Variants in SLC2A8 observed in about 807,000 individuals in gnomAD.
SLC2A8 encodes solute carrier family 2 member 8.
A neutral mutation model predicts 49.2 loss-of-function variants in SLC2A8; 53 were observed. The ratio of observed to expected loss-of-function variants is 1.08; its 90% CI spans 0.86 to 1.35. The LOEUF is 1.35. Ranked by LOEUF, SLC2A8 falls within the 40% of genes most tolerant of loss-of-function variation. The pLI is 0.00. For missense variants in SLC2A8, 688 were observed against 671.7 expected (o/e 1.02, Z -0.27); for synonymous variants, 299 against 297.0 (o/e 1.01, Z -0.07).
intron 5 of SLC2A8, among the ~76,000 whole-genome samples, 197 bp downstream of exon 5, chr9:127,402,950 C>A (rs1429698441): frequency 6.6e-6 from 1 of 152,202 alleles, no homozygotes; most frequent in Non-Finnish European, 1.5e-5. Flanking sequence ...GGAGCTGGGC[C>A]CTGGCCTCCA....
chr9:127,404,799 GC>G lies in SLC2A8; in HGVS notation c.977-17del. On this transcript the variant is annotated intron_variant, in intron 7 of 9. Coordinates refer to ENST00000373371, the MANE Select transcript of SLC2A8 (RefSeq NM_014580.5). ...CCGTTCCCCGGGTGCCCCGCCCACT[GC>G]CGCCCTCCCGCCTGCAGGTGTGGTC... The G allele has an allele frequency of 6.2e-7, 1 of 1,601,876 alleles. No individual in the cohort carries two copies. Among genetic ancestry groups the G allele is most frequent in the Non-Finnish European group, 8.5e-7 (1 of 1,172,076 alleles).
chr9:127,398,343 C>T (rs761431042), intron 3 of SLC2A8: 11 of 776,292 alleles, frequency 1.4e-5, no homozygotes, highest in Non-Finnish European at 2.6e-5. Context: ...AGGTGAAGTC[C>T]TTTGCCCAGG....
At position 127,402,709 on chromosome 9, in the gene SLC2A8, G is replaced by A; in HGVS notation, c.679G>A (p.Gly227Ser). The A allele has an allele frequency of 6.4e-7, 1 of 1,561,270 alleles. No individual in the cohort carries two copies. The highest frequency in any genetic ancestry group is 1.4e-5 in the African/African-American group (1 of 74,000). The change falls in exon 5 of 10, where the codon GGC (glycine) becomes AGC (serine). Residue 227 changes from glycine (G) to serine (S), a missense_variant. By Grantham distance (56) the Gly-to-Ser change is moderately conservative. Coordinates refer to ENST00000373371, the MANE Select transcript of SLC2A8 (RefSeq NM_014580.5). ...CATGGCCGCCCTGCGGTTCCTGTGG[G>A]GCTCCGAGCAGGGCTGGGAAGACCC... is the stretch of plus-strand genomic sequence containing the variant. ...EAMAALRFLW[G>S]SEQGWEDPPI... is the part of the protein sequence containing the mutation.
chr9:127,404,877 G>A lies in SLC2A8; in HGVS notation c.1036G>A (p.Gly346Ser). The A allele has an allele frequency of 6.2e-7, 1 of 1,612,724 alleles. No individual in the cohort carries two copies. ...CGCCTACTTCAAGCTGACCCAGGGT[G>A]GCCCTGGCAACTCCTCGCACGTGGC... ...FGAYFKLTQGGPGNSSHVAIS... is the reference protein window; with the variant it reads ...FGAYFKLTQGSPGNSSHVAIS... The change falls in exon 8 of 10, where the codon GGC (glycine) becomes AGC (serine). Residue 346 changes from glycine to serine, a missense_variant. Gly to Ser is a moderately conservative substitution (Grantham distance 56, BLOSUM62 0). Coordinates refer to ENST00000373371, the MANE Select transcript of SLC2A8 (RefSeq NM_014580.5).
Position 127,407,225 on chromosome 9 carries a change from C to T in SLC2A8, c.1410C>T (p.Ile470=), listed in dbSNP as rs1424757381. 2 of 1,613,330 alleles carry T rather than the reference C, an allele frequency of 1.2e-6. No homozygotes were observed. Among genetic ancestry groups the T allele is most frequent in the East Asian group, 2.2e-5 (1 of 44,882 alleles). The part of the protein sequence containing the change: ...PETKGKTLEQ[I]TAHFEGR ...CTAAAGGAAAGACTCTGGAACAAATCACAGCCCATTTTGAGGGGCGATGAC... is the reference window on the plus strand; with the variant it reads ...CTAAAGGAAAGACTCTGGAACAAATTACAGCCCATTTTGAGGGGCGATGAC... The change falls in exon 10 of 10, where the codon ATC becomes ATT. Residue 470 remains isoleucine, a synonymous_variant. Transcript: ENST00000373371.
chr9:127,404,581 C>G (rs931656883), intron 7 of SLC2A8: 3 of 529,706 alleles, frequency 5.7e-6, no homozygotes, highest in Admixed American at 3.4e-5. Flanking sequence ...GCTTCTGTGC[C>G]GGTACCTCCC....
rs756213563 is a variant in SLC2A8, at chr9:127,405,494, G to T, written c.1225G>T (p.Ala409Ser). 1.2e-6 allele frequency: 2 copies of T among 1,613,184 alleles called. No homozygotes were observed. The highest frequency in any genetic ancestry group is 1.7e-5 in the Admixed American group (1 of 60,022). The change falls in exon 9 of 10, where the codon GCG (alanine) becomes TCG (serine). Residue 409 changes from alanine (A) to serine (S), a missense_variant. Coordinates refer to ENST00000373371, the MANE Select transcript of SLC2A8 (RefSeq NM_014580.5). ...EIFPLHVKGVATGICVLTNWL... is the reference protein window; with the variant it reads ...EIFPLHVKGVSTGICVLTNWL... Reference sequence around the variant, plus strand: ...CTTCCCTCTGCATGTCAAGGGCGTGGCGACAGGCATCTGCGTCCTCACCAA... The same window carrying T: ...CTTCCCTCTGCATGTCAAGGGCGTGTCGACAGGCATCTGCGTCCTCACCAA...
In SLC2A8 at chr9:127,402,671, G is replaced by T; in HGVS notation, c.641G>T (p.Arg214Met). ...ETPRFLLTQH[R>M]RQEAMAALRF... Reference sequence around the variant, plus strand: ...CCGCGCTTCCTGCTGACTCAGCACAGGCGCCAGGAGGCCATGGCCGCCCTG... The same window carrying T: ...CCGCGCTTCCTGCTGACTCAGCACATGCGCCAGGAGGCCATGGCCGCCCTG... Residue 214 changes from arginine (R) to methionine (M), a missense_variant, in exon 5 of 10, where the codon AGG becomes ATG. Physicochemically the swap from Arg to Met is moderately conservative, Grantham distance 91. Transcript: ENST00000373371. 6.3e-7 allele frequency: 1 copy of T among 1,578,382 alleles called. No individual in the cohort carries two copies. Among genetic ancestry groups the T allele is most frequent in the South Asian group, 1.2e-5 (1 of 86,432 alleles).
Position 127,407,161 on chromosome 9 carries a change from T to C in SLC2A8, c.1346T>C (p.Ile449Thr), listed in dbSNP as rs776557785. ...GAFWLASAFC[I>T]FSVLFTLFCV... is the part of the protein sequence containing the mutation. ...TTCTGGCTTGCCTCCGCTTTCTGCA[T>C]CTTCAGTGTCCTTTTCACTTTGTTC... is the stretch of plus-strand genomic sequence containing the variant. The change falls in exon 10 of 10, where the codon ATC becomes ACC. Residue 449 changes from isoleucine (I) to threonine (T), a missense_variant. Coordinates refer to ENST00000373371, the MANE Select transcript of SLC2A8 (RefSeq NM_014580.5). 1.2e-6 allele frequency: 2 copies of C among 1,613,716 alleles called. No homozygotes were observed. Among genetic ancestry groups the C allele is most frequent in the Admixed American group, 3.3e-5 (2 of 60,030 alleles).
intron 3 of SLC2A8, among the ~76,000 whole-genome samples, chr9:127,398,787 C>T (rs1833150133): frequency 6.6e-6 from 1 of 152,200 alleles, no homozygotes; most frequent in Non-Finnish European, 1.5e-5. Flanking sequence ...TTCAGTGGGA[C>T]TTTGGATAGA....
chr9:127,397,545 C>T lies in SLC2A8; in HGVS notation c.219+7C>T, dbSNP rs1316516097. ...CGCCGCCTCCTGGTTCGGGGTGAGG[C>T]CCCGGGCTCGCTCCTCCCGCCCTGG... On this transcript the variant is annotated splice_region_variant and intron_variant, in intron 2 of 9. Coordinates refer to ENST00000373371, the MANE Select transcript of SLC2A8 (RefSeq NM_014580.5). 1.4e-6 allele frequency: 2 copies of T among 1,402,666 alleles called. No homozygotes were observed. Among genetic ancestry groups the T allele is most frequent in the Non-Finnish European group, 1.8e-6 (2 of 1,090,768 alleles). The allele number at this position is 1,402,666 out of a possible 1,614,324, so 86.9% of individuals were successfully genotyped here. A position where few individuals can be genotyped will look rare whatever the true frequency, so the allele number is the denominator to read the frequency against.
chr9:127,404,125 C>A, intron 7 of SLC2A8, 58 bp downstream of exon 7: 1 of 1,187,298 alleles, frequency 8.4e-7, no homozygotes, highest in East Asian at 2.4e-5. Context: ...TTCGCCAAGG[C>A]CACCACACTG....
chr9:127,404,769 C>T (rs1486632247), intron 7 of SLC2A8, 49 bp from the exon 8 acceptor site: 2 of 1,581,674 alleles, frequency 1.3e-6, no homozygotes, highest in Admixed American at 1.7e-5. Flanking sequence ...CTGCTGCGCC[C>T]TGGGCCGTTC....
intron 4 of SLC2A8, 53 bp from the exon 5 acceptor site, chr9:127,402,504 C>CAA: frequency 6.9e-7 from 1 of 1,453,816 alleles, no homozygotes; most frequent in Non-Finnish European, 9.0e-7. Context: ...TGGCAAGGCC[C>CAA]AGGCTGGCTC....
intron 9 of SLC2A8, among the ~76,000 whole-genome samples, chr9:127,406,911 G>GGT (rs1833511088): frequency 6.6e-6 from 1 of 152,236 alleles, no homozygotes; most frequent in South Asian, 2.1e-4. Context: ...ATCTTGGACA[G>GGT]TGCTCGGCCC....
Position 127,403,647 on chromosome 9 carries a change from T to C in SLC2A8, c.724-13T>C, listed in dbSNP as rs955983221. ...GAGAGAGAAATCCTGATGGCCAGTA[T>C]CCGTCAGAGCAGAGCTTTCACCTGG... On this transcript the variant is annotated splice_polypyrimidine_tract_variant and intron_variant, in intron 5 of 9. Transcript: ENST00000373371. The C allele has an allele frequency of 3.1e-6, 5 of 1,612,562 alleles. No homozygotes were observed. Among genetic ancestry groups the C allele is most frequent in the Non-Finnish European group, 4.2e-6 (5 of 1,179,914 alleles).
At chr9:127,400,047 G>A (rs757365021) in intron 4 of SLC2A8, 41 bp downstream of exon 4, 2 of 1,570,610 alleles carry the variant, frequency 1.3e-6, no homozygotes, top group South Asian at 2.2e-5. Context: ...TTGTGGTCAT[G>A]TGGCCATTTT....
rs369824077 is a variant in SLC2A8 at position 127,404,925 on chromosome 9, C to T, written c.1084C>T (p.Gln362Ter). 2 of 1,612,340 alleles carry T rather than the reference C, an allele frequency of 1.2e-6. No individual in the cohort carries two copies. Among genetic ancestry groups the T allele is most frequent in the South Asian group, 1.1e-5 (1 of 91,078 alleles). The change falls in exon 8 of 10, where the codon CAG becomes TAG. Residue 362 changes from glutamine (Q) to a stop codon, truncating the protein, a stop_gained. Transcript: ENST00000373371. LOFTEE classifies it high-confidence loss of function. ...HVAISAPVSA[Q>*]PVDASVGLAW... is the part of the protein sequence containing the mutation. ...GGCCATCTCGGCGCCTGTCTCTGCACAGCCTGTTGATGCCAGCGTGGGGCT... is the reference window on the plus strand; with the variant it reads ...GGCCATCTCGGCGCCTGTCTCTGCATAGCCTGTTGATGCCAGCGTGGGGCT...
rs1243089751 is a variant in SLC2A8, at chr9:127,399,342, G to T, written c.427-565G>T. Reference sequence around the variant, plus strand: ...AGGCTTGAGAAGCTCTGTGCCCACCGCCTCTCGTCATCATATGCAGCCCTC... The same window carrying T: ...AGGCTTGAGAAGCTCTGTGCCCACCTCCTCTCGTCATCATATGCAGCCCTC... On this transcript the variant is annotated intron_variant, in intron 3 of 9. Coordinates refer to ENST00000373371, the MANE Select transcript of SLC2A8 (RefSeq NM_014580.5). The surrounding 1 kb of genome is among the most constrained non-coding windows in gnomAD (Gnocchi z 4.2). Among the ~76,000 whole-genome samples the T allele has an allele frequency of 6.6e-6, 1 of 152,144 alleles. No individual in the cohort carries two copies. The highest frequency in any genetic ancestry group is 1.5e-5 in the Non-Finnish European group (1 of 68,018).
Sources: allele counts gnomAD v4.1 joint callset (sites outside exome capture counted in the v4.1 genomes callset), GRCh38; gene constraint gnomAD v4.1.1; non-coding constraint Gnocchi (gnomAD v3.1); transcripts MANE v1.5; gene names NCBI Gene and HGNC (gene_info 2026-07-23, HGNC 2026-07-21).